The following RELN variants were observed in gnomAD, a reference collection of about 807,000 sequenced individuals.
RELN encodes reelin.
A neutral mutation model predicts 427.6 loss-of-function variants in RELN; 108 were observed. That is an observed-to-expected ratio of 0.25 (90% CI 0.22 to 0.30). The LOEUF (loss-of-function observed/expected upper bound fraction) is 0.30. Among genes scored for constraint, RELN ranks in the 10% least tolerant of loss-of-function variants. The pLI is 1.00. For synonymous variants in RELN, 1,524 were observed against 1,513.4 expected, an observed-to-expected ratio of 1.01 and a Z score of -0.16; for missense variants, 3,715 against 4,302.8, an observed-to-expected ratio of 0.86 and a Z score of 3.82.
chr7:103,916,202 T>C (rs1795477833), intron 2 of RELN, among the ~76,000 whole-genome samples: 11 of 152,176 alleles, frequency 7.2e-5, no homozygotes, highest in Admixed American at 7.2e-4. Context: ...CTGCTGGGAC[T>C]TGACACTTCA....
chr7:103,692,667 G>A (rs932169453), intron 10 of RELN, among the ~76,000 whole-genome samples: 2 of 152,092 alleles, frequency 1.3e-5, no homozygotes, highest in African/African-American at 2.4e-5. Context: ...GTAACTCGAT[G>A]ACTCTTTTGG....
rs762144827 is a variant in RELN, at chr7:103,652,538, T to C, written c.1763+13A>G. The C allele has an allele frequency of 5.0e-6, 8 of 1,608,312 alleles. No individual in the cohort carries two copies. Among genetic ancestry groups the C allele is most frequent in the East Asian group, 2.2e-5 (1 of 44,734 alleles). ...TTTTTAGTTTTGCACACTTACAAAA[T>C]AGGGCTTCCTACCTGTTACCAGGCT... is the stretch of plus-strand genomic sequence containing the variant. On this transcript the variant is annotated intron_variant, in intron 14 of 64. Transcript: ENST00000428762.
intron 3 of RELN, among the ~76,000 whole-genome samples, chr7:103,808,891 T>C (rs1792666427): frequency 6.6e-6 from 1 of 152,054 alleles, no homozygotes; most frequent in Admixed American, 6.6e-5. Flanking sequence ...CTCAATGACA[T>C]AAAGCAATAA....
chr7:103,795,592 C>T (rs193006232), intron 3 of RELN, among the ~76,000 whole-genome samples: 30 of 152,260 alleles, frequency 2.0e-4, no homozygotes, highest in Admixed American at 9.8e-4. Flanking sequence ...TTATTTTTCC[C>T]TTTGCTGGGA....
At chr7:103,903,237 A>T (rs998586345) in intron 2 of RELN, among the ~76,000 whole-genome samples, 1 of 151,550 alleles carries the variant, frequency 6.6e-6, no homozygotes, top group African/African-American at 2.4e-5. Flanking sequence ...CTTAGAAAAC[A>T]GCATCTCTTA....
intron 3 of RELN, among the ~76,000 whole-genome samples, chr7:103,820,546 T>C (rs1307018219): frequency 1.6e-5 from 2 of 121,932 alleles, no homozygotes; most frequent in Non-Finnish European, 3.5e-5. Context: ...AGAAAAACAC[T>C]CATTCTTAAA....
chr7:103,677,405 T>A (rs961570550), intron 11 of RELN, among the ~76,000 whole-genome samples: 1 of 134,438 alleles, frequency 7.4e-6, no homozygotes, highest in Non-Finnish European at 1.6e-5. Flanking sequence ...GAACTTAAAG[T>A]ATAATAATAA....
At chr7:103,847,088 T>C (rs545046434) in intron 2 of RELN, among the ~76,000 whole-genome samples, 101 of 152,322 alleles carry the variant, frequency 6.6e-4, no homozygotes, top group African/African-American at 2.4e-3. Context: ...CAAAGGGTTA[T>C]AAATCATTCC....
chr7:103,549,162 CA>C (rs1305044205), intron 41 of RELN, among the ~76,000 whole-genome samples: 3 of 152,094 alleles, frequency 2.0e-5, no homozygotes, highest in Non-Finnish European at 4.4e-5. Context: ...GCTGCTGTAA[CA>C]AAATACCATA....
intron 2 of RELN, among the ~76,000 whole-genome samples, chr7:103,910,016 T>G (rs1795328315): frequency 7.3e-6 from 1 of 136,162 alleles, no homozygotes; most frequent in Non-Finnish European, 1.5e-5. Flanking sequence ...ATGGCCATTT[T>G]CACGATATTG....
chr7:103,782,388 A>C (rs886804), intron 3 of RELN, among the ~76,000 whole-genome samples: 48,497 of 151,906 alleles, frequency 0.32, 7,765 homozygotes, highest in East Asian at 0.44. Flanking sequence ...TATGAGCTAC[A>C]TGACTTTGGA....
chr7:103,833,792 C>T (rs1793332054), intron 2 of RELN, 120 bp from the exon 3 acceptor site: 2 of 943,482 alleles, frequency 2.1e-6, no homozygotes, highest in South Asian at 1.4e-5. Flanking sequence ...ATTTGGCTTC[C>T]CAATAAGTTA....
intron 19 of RELN, among the ~76,000 whole-genome samples, chr7:103,632,707 T>C (rs779035194): frequency 2.4e-4 from 37 of 152,176 alleles, no homozygotes; most frequent in Non-Finnish European, 4.9e-4. Flanking sequence ...TTGTAGGTCC[T>C]AACCTCATAG....
In RELN at chr7:103,753,695, G is replaced by A. The variant is rs190796086; in HGVS notation, c.545-481C>T. Among the ~76,000 whole-genome samples the A allele has an allele frequency of 7.2e-5, 11 of 152,250 alleles. No individual in the cohort carries two copies. In the East Asian group the frequency reaches 2.1e-3, roughly 29 times the overall value. On this transcript the variant is annotated intron_variant, in intron 4 of 64. Transcript: ENST00000428762. ...ACTTTGAAAATACAAATTAATAATG[G>A]TTTTACACATGAATTTCCTAACGTG...
rs138975479 is a variant in RELN, at chr7:103,700,937, G to T, written c.875C>A (p.Ala292Glu). Residue 292 changes from alanine to glutamate, a missense_variant, in exon 9 of 65, where the codon GCG becomes GAG. This residue lies in a region of RELN where 2,208 missense variants were observed against 2,361.7 expected (regional missense o/e 0.93). Coordinates refer to ENST00000428762, the MANE Select transcript of RELN (RefSeq NM_005045.4). ...AATTTTCTCTAGCTGAATCCAGTCC[G>T]CAGAGTTATTCTTGGCATATAACAC... ...IIVLYAKNNS[A>E]DWIQLEKIRA... 2 of 1,609,132 alleles carry T rather than the reference G, an allele frequency of 1.2e-6. No individual in the cohort carries two copies. Among genetic ancestry groups the T allele is most frequent in the Non-Finnish European group, 8.5e-7 (1 of 1,175,754 alleles).
chr7:103,498,343 A>T, intron 53 of RELN, 91 bp from the exon 54 acceptor site: 3 of 1,086,704 alleles, frequency 2.8e-6, no homozygotes, highest in Non-Finnish European at 4.1e-6. Flanking sequence ...TCTTGGACTT[A>T]AAAAAAATAG....
intron 8 of RELN, among the ~76,000 whole-genome samples, chr7:103,708,066 T>G (rs1834244515): frequency 6.6e-6 from 1 of 152,206 alleles, no homozygotes; most frequent in Admixed American, 6.5e-5. Flanking sequence ...AGGAACTACT[T>G]TACCTAATCT....
At position 103,496,544 on chromosome 7, in the gene RELN, C is replaced by T. The variant is rs1245528003; in HGVS notation, c.9175G>A (p.Val3059Met). 1 of 1,614,108 alleles carries T rather than the reference C, an allele frequency of 6.2e-7. No homozygotes were observed. Among genetic ancestry groups the T allele is most frequent in the Admixed American group, 1.7e-5 (1 of 59,994 alleles). ...GGAEINPSQL[V>M]DTFDDEGTSH... ...TTCTTACCATCATCAAAAGTGTCCA[C>T]CAATTGGCTGGGATTGATTTCTGCT... Residue 3059 changes from valine (V) to methionine (M), a missense_variant, in exon 56 of 65, where the codon GTG becomes ATG. Physicochemically the swap from Val to Met is conservative, Grantham distance 21 (BLOSUM62 1). Around this residue, in one of 4 missense-constraint regions of RELN, gnomAD observed 1,310 missense variants for 1,643.0 expected, o/e 0.80. Coordinates refer to ENST00000428762, the MANE Select transcript of RELN (RefSeq NM_005045.4).
At chr7:103,604,245 T>C in intron 23 of RELN, 101 bp downstream of exon 23, 1 of 1,372,676 alleles carries the variant, frequency 7.3e-7, no homozygotes, top group Non-Finnish European at 1.0e-6. Flanking sequence ...ATGTCATTAT[T>C]TATCGGTCTA....
Sources: gnomAD v4.1 joint callset for allele counts (sites outside exome capture counted in the v4.1 genomes callset) on GRCh38, gnomAD v4.1.1 for gene constraint, gnomAD v4.1.1 regional missense constraint, MANE v1.5 for transcripts, NCBI Gene and HGNC (gene_info 2026-07-23, HGNC 2026-07-21) for gene names.